GRK5: variants seen among roughly 807,000 people sequenced by gnomAD.
GRK5 encodes the protein g protein-coupled receptor kinase GRK5.
GRK5 carries 40 observed loss-of-function variants against 78.4 expected under a neutral mutation model. That is an observed-to-expected ratio of 0.51 (90% CI 0.40 to 0.66). The LOEUF (loss-of-function observed/expected upper bound fraction) is 0.66, where lower values mean the gene tolerates loss of function less well. Ranked by LOEUF, GRK5 falls within the 30% of genes least tolerant of loss-of-function variation. The probability of loss-of-function intolerance (pLI) is 0.00; values close to 1 mark genes in which losing one functional copy is unlikely to be tolerated. For missense variants in GRK5, 598 were observed against 759.9 expected (o/e 0.79, Z 2.50); for synonymous variants, 289 against 296.8 (o/e 0.97, Z 0.27).
At chr10:119,293,120 G>A (rs1173601113) in intron 1 of GRK5, among the ~76,000 whole-genome samples, 1 of 152,208 alleles carries the variant, frequency 6.6e-6, no homozygotes, top group Non-Finnish European at 1.5e-5. Context: ...TGTATAAGCT[G>A]TTGTTTAAGG....
intron 1 of GRK5, among the ~76,000 whole-genome samples, chr10:119,321,225 G>A (rs549769555): frequency 2.5e-4 from 38 of 152,340 alleles, no homozygotes; most frequent in African/African-American, 7.9e-4. Context: ...GGGGTGAGAG[G>A]CCATTCTGGG....
chr10:119,210,117 A>G (rs142639010), intron 1 of GRK5, among the ~76,000 whole-genome samples: 104 of 152,296 alleles, frequency 6.8e-4, no homozygotes, highest in African/African-American at 2.4e-3. Flanking sequence ...ACAGTGATTG[A>G]AAGTGCTCAA....
intron 1 of GRK5, among the ~76,000 whole-genome samples, chr10:119,229,844 A>G (rs1179422406): frequency 6.6e-6 from 1 of 152,098 alleles, no homozygotes; most frequent in Admixed American, 6.6e-5. Flanking sequence ...ATAGAGATAG[A>G]TGTATTTTTC....
chr10:119,368,810 G>A (rs1851495774), intron 2 of GRK5, among the ~76,000 whole-genome samples: 1 of 152,230 alleles, frequency 6.6e-6, no homozygotes, highest in Non-Finnish European at 1.5e-5. Flanking sequence ...TCCGCCCAGG[G>A]ACCTGAGCCC....
Position 119,207,818 on chromosome 10 carries a change from G to C in GRK5, c.-100G>C, listed in dbSNP as rs1848410544. On this transcript the variant is annotated 5_prime_UTR_variant, in exon 1 of 16. Coordinates refer to ENST00000392870, the MANE Select transcript of GRK5 (RefSeq NM_005308.3). ...GCGGGCTGCTGGCTCCCCCGGCTCCGGCAGCAGCGGCGGCAGCCCGAGCAG... is the reference window on the plus strand; with the variant it reads ...GCGGGCTGCTGGCTCCCCCGGCTCCCGCAGCAGCGGCGGCAGCCCGAGCAG... The C allele has an allele frequency of 8.5e-7, 1 of 1,176,994 alleles. No homozygotes were observed. The highest frequency in any genetic ancestry group is 1.2e-6 in the Non-Finnish European group (1 of 842,474). 72.9% of individuals were successfully genotyped at this position (1,176,994 alleles called of 1,614,324 possible).
chr10:119,323,739 T>A (rs1457812132), intron 1 of GRK5, among the ~76,000 whole-genome samples: 1 of 152,106 alleles, frequency 6.6e-6, no homozygotes, highest in Non-Finnish European at 1.5e-5. Context: ...ACAGGTGGTG[T>A]TTGGTTGCAT....
At chr10:119,268,572 G>T (rs978962221) in intron 1 of GRK5, among the ~76,000 whole-genome samples, 3 of 152,200 alleles carry the variant, frequency 2.0e-5, no homozygotes, top group African/African-American at 7.2e-5. Context: ...TGTGACCTCC[G>T]ACAGCTTAAT....
At chr10:119,291,170 A>C (rs1040282946) in intron 1 of GRK5, among the ~76,000 whole-genome samples, 28 of 151,856 alleles carry the variant, frequency 1.8e-4, no homozygotes, top group African/African-American at 6.5e-4. Flanking sequence ...CTGGTTGTAC[A>C]TTTTTCTCCA....
At chr10:119,400,939 G>C (rs915012450) in intron 4 of GRK5, among the ~76,000 whole-genome samples, 2 of 152,242 alleles carry the variant, frequency 1.3e-5, no homozygotes, top group African/African-American at 4.8e-5. Context: ...ACAGAGCACA[G>C]GATGAGGGCC....
chr10:119,319,351 G>A (rs563088372), intron 1 of GRK5, among the ~76,000 whole-genome samples: 5 of 152,342 alleles, frequency 3.3e-5, no homozygotes, highest in East Asian at 3.9e-4. Context: ...GCTGTTGTCC[G>A]CCTTTCTCCA....
intron 10 of GRK5, among the ~76,000 whole-genome samples, chr10:119,441,256 C>T (rs895082706): frequency 6.6e-5 from 10 of 152,194 alleles, no homozygotes; most frequent in Non-Finnish European, 1.3e-4. Context: ...TCCAGCCTGG[C>T]GGGGTCTCGA....
chr10:119,347,484 C>T (rs546010083), intron 2 of GRK5, among the ~76,000 whole-genome samples: 1 of 152,038 alleles, frequency 6.6e-6, no homozygotes, highest in East Asian at 1.9e-4. Context: ...TGCACGTGCA[C>T]GTGTGTGTGT....
In GRK5 at chr10:119,452,888, T is replaced by A; in HGVS notation, c.1542+80T>A. 1 of 1,477,834 alleles carries A rather than the reference T, an allele frequency of 6.8e-7. No homozygotes were observed. The highest frequency in any genetic ancestry group is 1.2e-5 in the South Asian group (1 of 84,636). 91.5% of individuals were successfully genotyped at this position (1,477,834 alleles called of 1,614,324 possible). ...TGGAAGGAGGCGTCGGGAATATGAG[T>A]TTGGCGGCAGGAGGCTGAGCGCATG... On this transcript the variant is annotated intron_variant, in intron 14 of 15. Coordinates refer to ENST00000392870, the MANE Select transcript of GRK5 (RefSeq NM_005308.3). This position sits in a 1 kb window ranked among gnomAD's most constrained non-coding sequence, Gnocchi z 4.4.
Position 119,264,368 on chromosome 10 carries a change from A to C in GRK5, c.52+56399A>C, listed in dbSNP as rs780379043. Among the ~76,000 whole-genome samples the C allele has an allele frequency of 5.3e-5, 8 of 152,080 alleles. No individual in the cohort carries two copies. Among genetic ancestry groups the C allele is most frequent in the Non-Finnish European group, 1.0e-4 (7 of 68,006 alleles). On this transcript the variant is annotated intron_variant, in intron 1 of 15. Coordinates refer to ENST00000392870, the MANE Select transcript of GRK5 (RefSeq NM_005308.3). The surrounding 1 kb of genome is among the most constrained non-coding windows in gnomAD (Gnocchi z 4.1). ...GAAGTTGAGTCCTGGGTGGGGCTCAAGTCCTACCATCTGGTGTTTGTCCTT... is the reference window on the plus strand; with the variant it reads ...GAAGTTGAGTCCTGGGTGGGGCTCACGTCCTACCATCTGGTGTTTGTCCTT...
intron 1 of GRK5, among the ~76,000 whole-genome samples, chr10:119,257,480 T>C (rs1849307956): frequency 6.6e-6 from 1 of 151,984 alleles, no homozygotes; most frequent in Admixed American, 6.5e-5. Context: ...ATCCTCCACT[T>C]TGGAAGGCGG....
chr10:119,411,941 C>G (rs564000711), intron 4 of GRK5, among the ~76,000 whole-genome samples: 2 of 149,386 alleles, frequency 1.3e-5, no homozygotes, highest in African/African-American at 4.9e-5. Flanking sequence ...ACCTCCACCT[C>G]CTGGAGTCAA....
At chr10:119,428,988 G>A (rs921241675) in intron 6 of GRK5, among the ~76,000 whole-genome samples, 5 of 152,228 alleles carry the variant, frequency 3.3e-5, no homozygotes, top group African/African-American at 9.6e-5. Flanking sequence ...TAGGCGGGCC[G>A]CCTTCATGTG....
At chr10:119,278,849 C>T (rs897874149) in intron 1 of GRK5, among the ~76,000 whole-genome samples, 2 of 152,114 alleles carry the variant, frequency 1.3e-5, no homozygotes, top group Non-Finnish European at 2.9e-5. Flanking sequence ...CCTGTATGCA[C>T]CTGCACCCCG....
intron 11 of GRK5, among the ~76,000 whole-genome samples, chr10:119,442,888 G>A (rs1013885045): frequency 1.3e-5 from 2 of 152,152 alleles, no homozygotes; most frequent in African/African-American, 4.8e-5. Flanking sequence ...ATAGGTAGGC[G>A]GGTGGGCGGG....
Sources: gnomAD v4.1 joint callset for allele counts (sites outside exome capture counted in the v4.1 genomes callset) on GRCh38, gnomAD v4.1.1 for gene constraint, Gnocchi (gnomAD v3.1) non-coding constraint, MANE v1.5 for transcripts, NCBI Gene and HGNC (gene_info 2026-07-23, HGNC 2026-07-21) for gene names.